The following FER1L6 variants were observed in gnomAD, a reference collection of about 807,000 sequenced individuals.
The protein encoded by FER1L6 is fer-1-like protein 6.
FER1L6 carries 177 observed loss-of-function variants against 219.2 expected under a neutral mutation model. That is an observed-to-expected ratio of 0.81 (90% CI 0.71 to 0.91). The LOEUF (loss-of-function observed/expected upper bound fraction) is 0.91, where lower values mean the gene tolerates loss of function less well. FER1L6 is among the 40% of genes least tolerant of loss of function. The pLI, the probability that FER1L6 is intolerant of heterozygous loss-of-function variation, is 0.00. For synonymous variants in FER1L6, 768 were observed against 824.3 expected (o/e 0.93, Z 1.17); for missense variants, 2,153 against 2,259.9 (o/e 0.95, Z 0.96).
intron 18 of FER1L6, among the ~76,000 whole-genome samples, chr8:124,029,619 T>C (rs911104657): frequency 1.3e-5 from 2 of 152,194 alleles, no homozygotes; most frequent in Non-Finnish European, 2.9e-5. Context: ...GGGGTTGTTT[T>C]TTTCTTGTAA....
At chr8:123,930,091 A>G (rs537694613) in intron 1 of FER1L6, among the ~76,000 whole-genome samples, 1 of 152,288 alleles carries the variant, frequency 6.6e-6, no homozygotes, top group East Asian at 1.9e-4. Flanking sequence ...AGTTTTGCCC[A>G]AAGGTAACAT....
In FER1L6 at chr8:123,980,826, T is replaced by C; in HGVS notation, c.1410+15T>C. 6.3e-7 allele frequency: 1 copy of C among 1,593,896 alleles called. No homozygotes were observed. The highest frequency in any genetic ancestry group is 1.1e-5 in the South Asian group (1 of 88,636). ...TCCCCCCGGAGGTAGGTCTAGGCAC[T>C]GCATTATGGTACTTTACCTATGAGG... On this transcript the variant is annotated intron_variant, in intron 11 of 40. Transcript: ENST00000522917.
At chr8:124,021,927 A>G (rs909977589) in intron 17 of FER1L6, among the ~76,000 whole-genome samples, 12 of 152,252 alleles carry the variant, frequency 7.9e-5, no homozygotes, top group Admixed American at 3.3e-4. Flanking sequence ...AGTGAAGTCA[A>G]CGTAAGCCCA....
intron 6 of FER1L6, 96 bp downstream of exon 6, chr8:123,970,193 T>C (rs765832724): frequency 9.0e-7 from 1 of 1,115,168 alleles, no homozygotes; most frequent in Non-Finnish European, 1.4e-6. Flanking sequence ...TAGCGGGGAA[T>C]AGATTCAGGA....
intron 1 of FER1L6, among the ~76,000 whole-genome samples, chr8:123,863,805 CTGCCTTTTTTTATTTTCCATT>C (rs1291191645): frequency 6.7e-6 from 1 of 150,028 alleles, no homozygotes; most frequent in Non-Finnish European, 1.5e-5. Context: ...ATTGCAACCC[CTGCCTTTTTTTATTTTCCATT>C]TGCTTGGTAG....
At chr8:124,051,504 A>T (rs1331254476) in intron 22 of FER1L6, among the ~76,000 whole-genome samples, 4 of 152,220 alleles carry the variant, frequency 2.6e-5, no homozygotes, top group Admixed American at 2.6e-4. Context: ...TGGGGATTAT[A>T]GTCAATCTAT....
intron 39 of FER1L6, among the ~76,000 whole-genome samples, chr8:124,109,897 C>T (rs1822947435): frequency 6.6e-6 from 1 of 152,198 alleles, no homozygotes; most frequent in Non-Finnish European, 1.5e-5. Flanking sequence ...ACTACCAGAA[C>T]CAGTTCTGAA....
At chr8:123,899,379 G>A (rs1812819196) in intron 1 of FER1L6, among the ~76,000 whole-genome samples, 2 of 151,886 alleles carry the variant, frequency 1.3e-5, no homozygotes, top group Admixed American at 1.3e-4. Flanking sequence ...TTACTGATTT[G>A]ATTGCATTGG....
intron 25 of FER1L6, among the ~76,000 whole-genome samples, chr8:124,063,839 A>C (rs1490638423): frequency 6.6e-6 from 1 of 152,210 alleles, no homozygotes; most frequent in Non-Finnish European, 1.5e-5. Context: ...GAAGGACAGC[A>C]TTATAACCTT....
chr8:124,082,938 C>T (rs1821622700), intron 33 of FER1L6, among the ~76,000 whole-genome samples: 1 of 152,034 alleles, frequency 6.6e-6, no homozygotes, highest in African/African-American at 2.4e-5. Flanking sequence ...ACCCAACTTT[C>T]ACTCTTTTTT....
intron 32 of FER1L6, 131 bp downstream of exon 32, chr8:124,076,456 C>T (rs1821297374): frequency 1.1e-6 from 1 of 877,368 alleles, no homozygotes; most frequent in African/African-American, 1.7e-5. Flanking sequence ...CTGGCTTCTG[C>T]TCTTGGTAAT....
chr8:124,076,085 C>T, intron 31 of FER1L6, 113 bp from the exon 32 acceptor site: 1 of 1,346,096 alleles, frequency 7.4e-7, no homozygotes, highest in Non-Finnish European at 1.0e-6. Context: ...TTAAATCAGA[C>T]TATCTAGAGA....
At chr8:123,935,093 T>G (rs1813931958) in intron 1 of FER1L6, among the ~76,000 whole-genome samples, 1 of 152,234 alleles carries the variant, frequency 6.6e-6, no homozygotes, top group Non-Finnish European at 1.5e-5. Flanking sequence ...TCTTAGCTAA[T>G]TAATGATCAC....
chr8:124,054,040 T>A (rs1164907114), intron 22 of FER1L6, among the ~76,000 whole-genome samples: 1 of 152,162 alleles, frequency 6.6e-6, no homozygotes, highest in African/African-American at 2.4e-5. Context: ...CTTTACACCA[T>A]GTCTTTATCC....
chr8:123,948,533 T>C lies in FER1L6; in HGVS notation c.-7-7459T>C, dbSNP rs1814601692. ...TTTGTAATTTCCAGAGTATAGGTCT[T>C]GTTTATATTTTTTAGACTTATTCCT... On this transcript the variant is annotated intron_variant, in intron 1 of 40. Coordinates refer to ENST00000522917, the MANE Select transcript of FER1L6 (RefSeq NM_001039112.2). Among the ~76,000 whole-genome samples the C allele has an allele frequency of 2.0e-5, 3 of 152,206 alleles. No homozygotes were observed. In the South Asian group the frequency reaches 6.2e-4, roughly 31 times the overall value.
At chr8:123,879,172 C>T (rs1021456387) in intron 1 of FER1L6, among the ~76,000 whole-genome samples, 1 of 152,158 alleles carries the variant, frequency 6.6e-6, no homozygotes, top group South Asian at 2.1e-4. Flanking sequence ...GGTGTGATGG[C>T]GTGCTCCCAT....
At chr8:124,060,880 T>C (rs1044481370) in intron 24 of FER1L6, 171 bp downstream of exon 24, 3 of 760,082 alleles carry the variant, frequency 3.9e-6, no homozygotes, top group Non-Finnish European at 6.0e-6. Context: ...TTTTGAAACG[T>C]TTCCAGTGTG....
intron 1 of FER1L6, among the ~76,000 whole-genome samples, chr8:123,942,140 G>A (rs180974139): frequency 4.6e-5 from 7 of 152,218 alleles, no homozygotes; most frequent in East Asian, 1.9e-4. Flanking sequence ...GGATGTTTAC[G>A]AGGCTGCCTT....
intron 1 of FER1L6, among the ~76,000 whole-genome samples, chr8:123,855,988 AT>A (rs1816632811): frequency 7.0e-6 from 1 of 143,516 alleles, no homozygotes; most frequent in Non-Finnish European, 1.5e-5. Context: ...TATGAGATAT[AT>A]GTATATACAT....
Sources: allele counts gnomAD v4.1 joint callset (sites outside exome capture counted in the v4.1 genomes callset), GRCh38; gene constraint gnomAD v4.1.1; transcripts MANE v1.5; gene names NCBI Gene and HGNC (gene_info 2026-07-23, HGNC 2026-07-21).